RTCA: variants seen among roughly 807,000 people sequenced by gnomAD.
RTCA encodes the protein RNA terminal phosphate cyclase domain 1.
In RTCA, 37 loss-of-function variants were observed where a neutral mutation model predicts 46.1. That is an observed-to-expected ratio of 0.80 (90% CI 0.62 to 1.06). RTCA has a LOEUF of 1.06. Ranked by LOEUF, RTCA falls within the 50% of genes least tolerant of loss-of-function variation. The pLI is 0.00. For missense variants in RTCA, 435 were observed against 455.5 expected (o/e 0.95, Z 0.41); for synonymous variants, 164 against 158.3 (o/e 1.04, Z -0.27).
In RTCA at chr1:100,275,667, C is replaced by T. The variant is rs573248858; in HGVS notation, c.684C>T (p.Asn228=). The T allele has an allele frequency of 6.2e-7, 1 of 1,612,332 alleles. No individual in the cohort carries two copies. The highest frequency in any genetic ancestry group is 2.2e-5 in the East Asian group (1 of 44,784). ...AGGAGATCCGGGATTTGTATGTTAA[C>T]ATCCAGCCTGTTCAAGAACCTAAAG... The part of the protein sequence containing the change: ...IRKEIRDLYV[N]IQPVQEPKDQ... Residue 228 remains asparagine, a synonymous_variant, in exon 7 of 11, where the codon AAC becomes AAT. Coordinates refer to ENST00000370128, the MANE Select transcript of RTCA (RefSeq NM_003729.4).
At chr1:100,283,160 CTTTTTT>C (rs71084815) in intron 8 of RTCA, among the ~76,000 whole-genome samples, 4 of 102,106 alleles carry the variant, frequency 3.9e-5, no homozygotes, top group Admixed American at 1.3e-4. Flanking sequence ...CCAAATATTC[CTTTTTT>C]TTTTTTTTTT....
chr1:100,284,689 G>A (rs1280598666), intron 8 of RTCA, among the ~76,000 whole-genome samples: 1 of 152,216 alleles, frequency 6.6e-6, no homozygotes, highest in East Asian at 1.9e-4. Context: ...CCACCGCACT[G>A]AGCCAAATTC....
At chr1:100,279,408 G>T (rs1309757140) in intron 8 of RTCA, among the ~76,000 whole-genome samples, 1 of 152,216 alleles carries the variant, frequency 6.6e-6, no homozygotes, top group Non-Finnish European at 1.5e-5. Context: ...TGGTCCTCCA[G>T]TGGGTTCTGT....
intron 8 of RTCA, among the ~76,000 whole-genome samples, chr1:100,283,011 A>G (rs763872416): frequency 6.6e-6 from 1 of 150,900 alleles, no homozygotes; most frequent in African/African-American, 2.4e-5. Flanking sequence ...TGGCCAGGCT[A>G]GTCTTGAACT....
At position 100,277,308 on chromosome 1, in the gene RTCA, G is replaced by A; in HGVS notation, c.791G>A (p.Gly264Asp). 5.6e-6 allele frequency: 9 copies of A among 1,610,542 alleles called. No homozygotes were observed. The highest frequency in any genetic ancestry group is 7.6e-6 in the Non-Finnish European group (9 of 1,178,672). The change falls in exon 8 of 11, where the codon GGT becomes GAT. Residue 264 changes from glycine (G) to aspartate (D), a missense_variant. Gly to Asp is a moderately conservative substitution (Grantham distance 94). Coordinates refer to ENST00000370128, the MANE Select transcript of RTCA (RefSeq NM_003729.4). ...TGTTTGTTTGCTGGATCATCGCTTG[G>A]TAAACGAGGTAAGATAAATGAAGGG... The part of the protein sequence containing the change: ...TGCLFAGSSL[G>D]KRGVNADKVG...
chr1:100,271,941 T>C (rs760487113), intron 4 of RTCA, among the ~76,000 whole-genome samples: 7 of 152,246 alleles, frequency 4.6e-5, no homozygotes, highest in African/African-American at 7.2e-5. Flanking sequence ...ATACTGTACG[T>C]AGGCTTTGAG....
chr1:100,273,461 C>G lies in RTCA; in HGVS notation c.473+9C>G. On this transcript the variant is annotated intron_variant, in intron 5 of 10. Transcript: ENST00000370128. ...TGTGACATTAAAACAAGGTAAGTTG[C>G]TTGTTTCTTAAATGTTAGGATCTAT... The G allele has an allele frequency of 1.9e-6, 3 of 1,545,904 alleles. No individual in the cohort carries two copies. Among genetic ancestry groups the G allele is most frequent in the Non-Finnish European group, 2.6e-6 (3 of 1,133,606 alleles).
intron 2 of RTCA, chr1:100,267,380 TCAC>T: frequency 1.7e-6 from 2 of 1,154,476 alleles, no homozygotes; most frequent in African/African-American, 1.6e-5. Context: ...GCCCTCCAGT[TCAC>T]CAACAGGGGA....
chr1:100,291,451 G>T lies in RTCA; in HGVS notation c.1048G>T (p.Asp350Tyr). The T allele has an allele frequency of 1.1e-5, 17 of 1,612,640 alleles. No individual in the cohort carries two copies. Among genetic ancestry groups the T allele is most frequent in the Non-Finnish European group, 1.4e-5 (17 of 1,179,478 alleles). The stretch of plus-strand genomic sequence containing the variant: ...AGAAGATGAAGAAGACGCCGCTAAA[G>T]ATACTTATATTATTGAATGCCAAGG... The part of the protein sequence containing the change: ...KSEDEEDAAK[D>Y]TYIIECQGIG... Residue 350 changes from aspartate to tyrosine, a missense_variant, in exon 11 of 11, where the codon GAT becomes TAT. By Grantham distance (160) the Asp-to-Tyr change is radical. Transcript: ENST00000370128.
Position 100,266,260 on chromosome 1 carries a change from C to G in RTCA, c.-116C>G. ...CTTCTTCCGCTTTCTCGTCAGGCTC[C>G]TGCGCCCCAGGCATGAACCAAGGTT... On this transcript the variant is annotated 5_prime_UTR_variant, in exon 1 of 11. Coordinates refer to ENST00000370128, the MANE Select transcript of RTCA (RefSeq NM_003729.4). 1 of 657,700 alleles carries G rather than the reference C, an allele frequency of 1.5e-6. No homozygotes were observed. Among genetic ancestry groups the G allele is most frequent in the South Asian group, 2.1e-5 (1 of 47,484 alleles). 40.7% of individuals were successfully genotyped at this position (657,700 alleles called of 1,614,324 possible).
intron 6 of RTCA, 135 bp downstream of exon 6, chr1:100,275,100 G>A (rs779152858): frequency 4.7e-5 from 43 of 906,766 alleles, no homozygotes; most frequent in Non-Finnish European, 6.8e-5. Context: ...TGGCAATATG[G>A]CTGCAGCTGG....
chr1:100,273,938 C>G (rs911675567), intron 5 of RTCA, among the ~76,000 whole-genome samples: 5 of 152,248 alleles, frequency 3.3e-5, no homozygotes, highest in Admixed American at 1.3e-4. Context: ...CTTGCCCTAA[C>G]TTTTCTAACT....
rs1049256107 is a variant in RTCA, at chr1:100,287,091, T to G, written c.895-8T>G. ...GTGTGAGGTTTTTCTTTGTTCTTTT[T>G]TAAATAGCTGATTGTTTTCATGGCA... On this transcript the variant is annotated splice_region_variant and splice_polypyrimidine_tract_variant and intron_variant, in intron 9 of 10. Transcript: ENST00000370128. 2.0e-6 allele frequency: 3 copies of G among 1,534,516 alleles called. No individual in the cohort carries two copies. The African/African-American group carries it at 4.3e-5, about 22-fold the overall frequency.
intron 3 of RTCA, among the ~76,000 whole-genome samples, chr1:100,268,724 A>G (rs1665920682): frequency 6.6e-6 from 1 of 152,198 alleles, no homozygotes; most frequent in Non-Finnish European, 1.5e-5. Context: ...AATGAAATTC[A>G]TTATTACTGA....
intron 10 of RTCA, among the ~76,000 whole-genome samples, chr1:100,288,276 A>C (rs1181359548): frequency 2.6e-5 from 4 of 152,172 alleles, no homozygotes; most frequent in Non-Finnish European, 5.9e-5. Context: ...CAGTTAATGC[A>C]TACAACTTCA....
intron 8 of RTCA, chr1:100,281,291 C>A (rs559168796): frequency 3.7e-6 from 2 of 533,992 alleles, no homozygotes; most frequent in East Asian, 5.4e-5. Flanking sequence ...GAGAAAATCT[C>A]GCTGTTTTAG....
intron 7 of RTCA, among the ~76,000 whole-genome samples, chr1:100,276,138 GTTTA>G (rs1666361554): frequency 6.6e-6 from 1 of 151,966 alleles, no homozygotes; most frequent in Non-Finnish European, 1.5e-5. Context: ...CCCAGCCTCA[GTTTA>G]TATTTTTAAG....
intron 8 of RTCA, among the ~76,000 whole-genome samples, chr1:100,279,026 C>A (rs1570883589): frequency 1.3e-5 from 2 of 152,268 alleles, no homozygotes; most frequent in South Asian, 2.1e-4. Context: ...ATACTAATTA[C>A]ATATTAGGTG....
chr1:100,266,920 C>T, intron 2 of RTCA: 2 of 431,602 alleles, frequency 4.6e-6, no homozygotes, highest in Non-Finnish European at 8.5e-6. Flanking sequence ...TCCAAATATC[C>T]GAACAGCACG....
Sources: allele counts gnomAD v4.1 joint callset (sites outside exome capture counted in the v4.1 genomes callset), GRCh38; gene constraint gnomAD v4.1.1; transcripts MANE v1.5; gene names NCBI Gene and HGNC (gene_info 2026-07-23, HGNC 2026-07-21).